The following BRD8 variants were observed in gnomAD, a reference collection of about 807,000 sequenced individuals.
BRD8 encodes the protein bromodomain-containing protein 8.
In BRD8, 67 loss-of-function variants were observed where a neutral mutation model predicts 143.1. The ratio of observed to expected loss-of-function variants is 0.47; its 90% confidence interval spans 0.38 to 0.57. BRD8 has a LOEUF of 0.57. Ranked by LOEUF, BRD8 falls within the 20% of genes least tolerant of loss-of-function variation. The pLI, the probability that BRD8 is intolerant of heterozygous loss-of-function variation, is 0.00. For missense variants in BRD8, 1,103 were observed against 1,503.0 expected (o/e 0.73, Z 4.40); for synonymous variants, 505 against 517.1 (o/e 0.98, Z 0.32).
At position 138,166,555 on chromosome 5, in the gene BRD8, A is replaced by C; in HGVS notation, c.960T>G (p.Ser320=). 1 of 1,613,950 alleles carries C rather than the reference A, an allele frequency of 6.2e-7. No individual in the cohort carries two copies. The highest frequency in any genetic ancestry group is 1.7e-4 in the Middle Eastern group (1 of 6,060). The change falls in exon 10 of 27, where the codon TCT becomes TCG. Residue 320 remains serine (S), a synonymous_variant. Coordinates refer to ENST00000254900, the MANE Select transcript of BRD8 (RefSeq NM_139199.2). ...VMMPALPAPS[S]APAVSTTESV... ...TTTCAGTAGTGGAGACAGCCGGAGC[A>C]GAGGATGGTGCTGGCAGCGCAGGCA...
In BRD8 at chr5:138,163,043, G is replaced by C. The variant is rs115184348; in HGVS notation, c.2087+87C>G. 2.4e-4 allele frequency: 40 copies of C among 165,304 alleles called. 1 individual carries two copies. The highest frequency in any genetic ancestry group is 2.1e-3 in the South Asian group (39 of 19,016). The allele number at this position is 165,304 out of a possible 1,614,324, so 10.2% of individuals were successfully genotyped here. A position where few individuals can be genotyped will look rare whatever the true frequency, so the allele number is the denominator to read the frequency against. On this transcript the variant is annotated intron_variant, in intron 15 of 26. Transcript: ENST00000254900. ...AGGAAAGGGAAAAGAAAAGAAAAGA[G>C]AAAAGACAGGAAGGAAGGAAGGAAG...
chr5:138,152,866 T>G (rs75165147), intron 20 of BRD8, 106 bp from the exon 21 acceptor site: 1 of 1,160,764 alleles, frequency 8.6e-7, no homozygotes, highest in Non-Finnish European at 1.2e-6. Flanking sequence ...GAAATTTATT[T>G]GTATTCAAGT....
rs528047595 is a variant in BRD8 at position 138,143,477 on chromosome 5, A to G, written c.3437+1700T>C. On this transcript the variant is annotated intron_variant, in intron 25 of 26. Transcript: ENST00000254900. The stretch of plus-strand genomic sequence containing the variant: ...AACAGAGTGAGACCCTGTCTCAAAA[A>G]AATTTTTTTAAATAAAAAATAAAAA... Among the ~76,000 whole-genome samples, 11 of 152,294 alleles carry G rather than the reference A, an allele frequency of 7.2e-5. No individual in the cohort carries two copies. In the South Asian group the frequency reaches 2.3e-3, roughly 32 times the overall value.
intron 1 of BRD8, among the ~76,000 whole-genome samples, 165 bp from the exon 2 acceptor site, chr5:138,177,832 G>A (rs1043854633): frequency 6.6e-5 from 10 of 152,158 alleles, no homozygotes; most frequent in Non-Finnish European, 8.8e-5. Flanking sequence ...ACCTCTCCAA[G>A]TGAAATATCA....
intron 25 of BRD8, among the ~76,000 whole-genome samples, chr5:138,142,676 T>G (rs1751956751): frequency 6.8e-6 from 1 of 146,612 alleles, no homozygotes. Context: ...GGCAGGAGAA[T>G]CACTTGAACC....
chr5:138,156,630 T>C (rs139757916), intron 20 of BRD8, among the ~76,000 whole-genome samples: 156 of 152,256 alleles, frequency 1.0e-3, no homozygotes, highest in Admixed American at 2.0e-3. Context: ...AAAACCTTAC[T>C]TTTCCCAAAC....
intron 14 of BRD8, 100 bp from the exon 15 acceptor site, chr5:138,163,444 A>C: frequency 7.0e-7 from 1 of 1,435,412 alleles, no homozygotes. Context: ...AGTTCTAGAA[A>C]TGACCTCACG....
intron 2 of BRD8, 119 bp downstream of exon 2, chr5:138,177,452 A>G (rs745431639): frequency 1.6e-6 from 1 of 641,360 alleles, no homozygotes; most frequent in Non-Finnish European, 2.7e-6. Flanking sequence ...CAAAAAAAGA[A>G]GAAAAAGAAA....
intron 9 of BRD8, 158 bp from the exon 10 acceptor site, chr5:138,166,885 C>A (rs957956624): frequency 3.4e-6 from 2 of 592,532 alleles, no homozygotes; most frequent in Non-Finnish European, 6.0e-6. Flanking sequence ...CTTACTCTAA[C>A]CTTACTTAAG....
intron 26 of BRD8, among the ~76,000 whole-genome samples, 172 bp from the exon 27 acceptor site, chr5:138,140,338 A>G (rs1013361596): frequency 6.6e-6 from 1 of 152,232 alleles, no homozygotes; most frequent in African/African-American, 2.4e-5. Flanking sequence ...TCCCCTAAAG[A>G]TGGGAAAGTG....
intron 20 of BRD8, among the ~76,000 whole-genome samples, chr5:138,158,913 G>A (rs73261924): frequency 0.011 from 1,737 of 151,892 alleles, 41 homozygotes; most frequent in African/African-American, 0.04. Context: ...CCACAGGTGC[G>A]CACCACTCCG....
chr5:138,149,588 G>GAAT, intron 23 of BRD8, 52 bp downstream of exon 23: 5 of 1,429,596 alleles, frequency 3.5e-6, no homozygotes, highest in Non-Finnish European at 4.7e-6. Context: ...ATTCAAATAG[G>GAAT]CATAAACAGA....
intron 2 of BRD8, chr5:138,177,301 G>T (rs528790741): frequency 8.2e-6 from 2 of 244,136 alleles, no homozygotes; most frequent in South Asian, 4.9e-5. Context: ...AGGCCGAGGT[G>T]GGGGGATCAC....
chr5:138,170,991 G>C lies in BRD8; in HGVS notation c.359+47C>G, dbSNP rs1220583849. Reference sequence around the variant, plus strand: ...AAGTTCTGACCAGTACCAGAAGACAGTCCCTTATGTCTTTCTCAATTTTTT... The same window carrying C: ...AAGTTCTGACCAGTACCAGAAGACACTCCCTTATGTCTTTCTCAATTTTTT... On this transcript the variant is annotated intron_variant, in intron 5 of 26. Transcript: ENST00000254900. The C allele has an allele frequency of 1.9e-6, 3 of 1,611,314 alleles. No homozygotes were observed. The South Asian group carries it at 3.3e-5, about 18-fold the overall frequency.
At position 138,160,939 on chromosome 5, in the gene BRD8, G is replaced by A; in HGVS notation, c.2379C>T (p.Val793=). ...GCTGCATCTCCACTGCCATGTGATA[G>A]ACATCATGGTCTGAGCTATTGTACA... The part of the protein sequence containing the change: ...AVMYNSSDHD[V]YHMAVEMQRD... Residue 793 remains valine, a synonymous_variant, in exon 18 of 27, where the codon GTC becomes GTT. Coordinates refer to ENST00000254900, the MANE Select transcript of BRD8 (RefSeq NM_139199.2). 6.2e-7 allele frequency: 1 copy of A among 1,612,410 alleles called. No individual in the cohort carries two copies. The highest frequency in any genetic ancestry group is 8.5e-7 in the Non-Finnish European group (1 of 1,179,244).
intron 23 of BRD8, among the ~76,000 whole-genome samples, chr5:138,146,246 C>T (rs946526168): frequency 2.0e-5 from 3 of 151,748 alleles, no homozygotes; most frequent in South Asian, 4.1e-4. Context: ...TCCATAGAGA[C>T]GGGGTTTTGC....
chr5:138,145,707 A>G (rs1752121237), intron 24 of BRD8, 82 bp downstream of exon 24: 1 of 1,223,982 alleles, frequency 8.2e-7, no homozygotes, highest in East Asian at 2.3e-5. Context: ...AGGGATGAAC[A>G]TATCTCCTTT....
rs560823887 is a variant in BRD8, at chr5:138,172,238, C to T, written c.117-104G>A. Reference sequence around the variant, plus strand: ...TTCAAACTTTGGAATAAAAAAGATGCGAATGGCCAGGCGCGGTGGCTCACG... The same window carrying T: ...TTCAAACTTTGGAATAAAAAAGATGTGAATGGCCAGGCGCGGTGGCTCACG... On this transcript the variant is annotated intron_variant, in intron 2 of 26. Transcript: ENST00000254900. 6.4e-4 allele frequency: 608 copies of T among 947,822 alleles called. 1 individual carries two copies. Among genetic ancestry groups the T allele is most frequent in the Non-Finnish European group, 8.7e-4 (529 of 605,740 alleles). The allele number at this position is 947,822 out of a possible 1,614,324, so 58.7% of individuals were successfully genotyped here.
intron 26 of BRD8, 80 bp from the exon 27 acceptor site, chr5:138,140,246 A>G: frequency 9.7e-7 from 1 of 1,035,212 alleles, no homozygotes; most frequent in Non-Finnish European, 1.5e-6. Context: ...TTTGGCAAAT[A>G]GACTCAACTA....
Sources: allele counts gnomAD v4.1 joint callset (sites outside exome capture counted in the v4.1 genomes callset), GRCh38; gene constraint gnomAD v4.1.1; transcripts MANE v1.5; gene names NCBI Gene and HGNC (gene_info 2026-07-23, HGNC 2026-07-21).